UBA7: variants seen among roughly 807,000 people sequenced by gnomAD.
UBA7 encodes the protein ubiquitin like modifier activating enzyme 7.
Under a neutral mutation model 113.0 loss-of-function variants are expected in UBA7, and 88 were observed. That is an observed-to-expected ratio of 0.78 (90% CI 0.66 to 0.93). UBA7 has a LOEUF of 0.93. UBA7 is among the 40% of genes least tolerant of loss of function. The pLI is 0.00. For missense variants in UBA7, 1,092 were observed against 1,266.4 expected, an observed-to-expected ratio of 0.86 and a Z score of 2.09; for synonymous variants, 459 against 513.0, an observed-to-expected ratio of 0.89 and a Z score of 1.42.
rs1490254347 is a variant in UBA7 at position 49,812,195 on chromosome 3, G to A, written c.706C>T (p.Leu236=). The A allele has an allele frequency of 6.2e-7, 1 of 1,614,190 alleles. No individual in the cohort carries two copies. Among genetic ancestry groups the A allele is most frequent in the South Asian group, 1.1e-5 (1 of 91,088 alleles). Residue 236 remains leucine, a synonymous_variant, in exon 7 of 24, where the codon CTG becomes TTG. Transcript: ENST00000333486. ...RSIHVREDGS[L]EIGDTTTFSR... is the part of the protein sequence containing the mutation. ...AAAGTTGTTGTGTCTCCAATCTCCA[G>A]GGACCCATCCTCTGAGGGAGTTCCA...
chr3:49,806,187 G>A (rs2081447894), intron 21 of UBA7, 22 bp from the exon 22 acceptor site: 1 of 1,566,104 alleles, frequency 6.4e-7, no homozygotes, highest in South Asian at 1.2e-5. Context: ...TAGAGGAGGA[G>A]TCAGAGACTT....
At position 49,812,434 on chromosome 3, in the gene UBA7, C is replaced by G; in HGVS notation, c.668G>C (p.Cys223Ser). ...GIEGMVELND[C>S]DPRSIHVRED... ...CCGCACGTGGATAGACCGGGGATCA[C>G]AGTCGTTGAGCTCAACCATTCCCTC... is the stretch of plus-strand genomic sequence containing the variant. The change falls in exon 6 of 24, where the codon TGT (cysteine) becomes TCT (serine). Residue 223 changes from cysteine to serine, a missense_variant. Around this residue, in one of 3 missense-constraint regions of UBA7, gnomAD observed 584 missense variants for 714.5 expected, o/e 0.82. Coordinates refer to ENST00000333486, the MANE Select transcript of UBA7 (RefSeq NM_003335.3). 2 of 1,614,242 alleles carry G rather than the reference C, an allele frequency of 1.2e-6. No homozygotes were observed. The highest frequency in any genetic ancestry group is 1.7e-6 in the Non-Finnish European group (2 of 1,180,036).
At position 49,813,918 on chromosome 3, in the gene UBA7, G is replaced by C; in HGVS notation, c.-131C>G. On this transcript the variant is annotated 5_prime_UTR_variant, in exon 1 of 24. Coordinates refer to ENST00000333486, the MANE Select transcript of UBA7 (RefSeq NM_003335.3). The stretch of plus-strand genomic sequence containing the variant: ...AGGAACCAAGGCCAAGCGAATAAGG[G>C]ACGCTGCTGGTCACAGCTCTCTTCC... The C allele has an allele frequency of 1.0e-6, 1 of 991,454 alleles. No individual in the cohort carries two copies. Among genetic ancestry groups the C allele is most frequent in the Non-Finnish European group, 1.5e-6 (1 of 656,670 alleles). The allele number at this position is 991,454 out of a possible 1,614,324, so 61.4% of individuals were successfully genotyped here.
At chr3:49,806,349 C>T (rs1342624030) in intron 21 of UBA7, 184 bp from the exon 22 acceptor site, 4 of 615,814 alleles carry the variant, frequency 6.5e-6, no homozygotes, top group African/African-American at 5.6e-5. Flanking sequence ...AGGCCGGGGC[C>T]AGCACAGGAA....
At chr3:49,806,265 G>A (rs1242851365) in intron 21 of UBA7, 100 bp from the exon 22 acceptor site, 1 of 689,902 alleles carries the variant, frequency 1.4e-6, no homozygotes, top group Non-Finnish European at 2.4e-6. Context: ...GGACTAGCAG[G>A]AAACAGGAGC....
chr3:49,812,263 C>A (rs1443528196), intron 6 of UBA7, 57 bp from the exon 7 acceptor site: 3 of 1,611,322 alleles, frequency 1.9e-6, no homozygotes, highest in Non-Finnish European at 2.5e-6. Flanking sequence ...GTTCCCACAC[C>A]CCATCCTATC....
At position 49,810,101 on chromosome 3, in the gene UBA7, T is replaced by C. The variant is rs747692747; in HGVS notation, c.1716A>G (p.Thr572=). 9 of 1,612,940 alleles carry C rather than the reference T, an allele frequency of 5.6e-6. No homozygotes were observed. The South Asian group carries it at 9.9e-5, about 18-fold the overall frequency. ...CCTCAGTCACATGTGGCATGAATAC[T>C]GTAGCACTGCCCCAGGTGCCCGATG... ...AGTSGTWGSA[T]VFMPHVTEAY... is the part of the protein sequence containing the mutation. Residue 572 remains threonine (T), a synonymous_variant, in exon 14 of 24, where the codon ACA becomes ACG. Transcript: ENST00000333486. This position sits in a 1 kb window ranked among gnomAD's most constrained non-coding sequence, Gnocchi z 5.6.
intron 21 of UBA7, among the ~76,000 whole-genome samples, chr3:49,806,728 G>A (rs2081459045): frequency 1.3e-5 from 2 of 152,006 alleles, no homozygotes; most frequent in African/African-American, 4.8e-5. Context: ...AGGACAGAAG[G>A]ATGGCTGGCA....
Position 49,807,729 on chromosome 3 carries a change from G to A in UBA7, c.2715+7C>T. On this transcript the variant is annotated splice_region_variant and intron_variant, in intron 21 of 23. Transcript: ENST00000333486. The surrounding 1 kb of genome is among the most constrained non-coding windows in gnomAD (Gnocchi z 4.0). The stretch of plus-strand genomic sequence containing the variant: ...GTAGGGCTAAGGGTGGGGTATCATG[G>A]GCTCACCGTCTGGATGGCTGGGGCA... The A allele has an allele frequency of 6.2e-7, 1 of 1,600,074 alleles. No individual in the cohort carries two copies. The highest frequency in any genetic ancestry group is 8.5e-7 in the Non-Finnish European group (1 of 1,172,448).
rs1435846023 is a variant in UBA7 at position 49,805,312 on chromosome 3, A to G, written c.3035T>C (p.Leu1012Pro). The G allele has an allele frequency of 6.2e-7, 1 of 1,613,836 alleles. No homozygotes were observed. Among genetic ancestry groups the G allele is most frequent in the Non-Finnish European group, 8.5e-7 (1 of 1,179,896 alleles). The change falls in exon 24 of 24, where the codon CTG (leucine) becomes CCG (proline). Residue 1012 changes from leucine (L) to proline (P), a missense_variant. By Grantham distance (98) the Leu-to-Pro change is moderately conservative. This residue lies in a region of UBA7 where 500 missense variants were observed against 529.3 expected (regional missense o/e 0.94). Transcript: ENST00000333486. The part of the protein sequence containing the change: ...DTAFPPLHYE[L>P] ...GGTGACAGGGTGGCTGCCTTGTCAC[A>G]GCTCATAGTGCAGAGGTGGGAAGGC... is the stretch of plus-strand genomic sequence containing the variant.
rs768044589 is a variant in UBA7 at position 49,810,563 on chromosome 3, C to T, written c.1421G>A (p.Arg474His). Residue 474 changes from arginine to histidine, a missense_variant, in exon 12 of 24, where the codon CGC becomes CAC. By Grantham distance (29) the Arg-to-His change is conservative. This residue lies in a region of UBA7 where 584 missense variants were observed against 714.5 expected (regional missense o/e 0.82). Transcript: ENST00000333486. The surrounding 1 kb of genome is among the most constrained non-coding windows in gnomAD (Gnocchi z 5.6). ...LTVVDMDHIE[R>H]SNLSRQFLFR... ...GAGGAACTGACGGCTGAGATTGGAGCGCTCTATGTGGTCCATGTCAACAAC... is the reference window on the plus strand; with the variant it reads ...GAGGAACTGACGGCTGAGATTGGAGTGCTCTATGTGGTCCATGTCAACAAC... 15 of 1,613,982 alleles carry T rather than the reference C, an allele frequency of 9.3e-6. No homozygotes were observed. Among genetic ancestry groups the T allele is most frequent in the African/African-American group, 6.7e-5 (5 of 74,874 alleles).
At position 49,808,104 on chromosome 3, in the gene UBA7, G is replaced by C; in HGVS notation, c.2439C>G (p.Asp813Glu). The C allele has an allele frequency of 6.2e-7, 1 of 1,613,994 alleles. No homozygotes were observed. Among genetic ancestry groups the C allele is most frequent in the Non-Finnish European group, 8.5e-7 (1 of 1,179,948 alleles). Residue 813 changes from aspartate to glutamate, a missense_variant, in exon 20 of 24, where the codon GAC becomes GAG. By Grantham distance (45) the Asp-to-Glu change is conservative. Around this residue, in one of 3 missense-constraint regions of UBA7, gnomAD observed 500 missense variants for 529.3 expected, o/e 0.94. Transcript: ENST00000333486. ...CCACAAAGTCCACATGGAAGTTGCT[G>C]TCATCATCCTGTAAGGCCCAAGTCA... is the stretch of plus-strand genomic sequence containing the variant. ...LKPLMFEKDD[D>E]SNFHVDFVVA...
At position 49,812,399 on chromosome 3, in the gene UBA7, T is replaced by A. The variant is rs937588700; in HGVS notation, c.694+9A>T. The A allele has an allele frequency of 1.2e-6, 2 of 1,613,968 alleles. No homozygotes were observed. The highest frequency in any genetic ancestry group is 1.3e-5 in the African/African-American group (1 of 74,930). ...CCCTGCACCTGGAATTGGAATGGGA[T>A]TGGCTTACCCCGCACGTGGATAGAC... On this transcript the variant is annotated intron_variant, in intron 6 of 23. Coordinates refer to ENST00000333486, the MANE Select transcript of UBA7 (RefSeq NM_003335.3).
In UBA7 at chr3:49,812,509, G is replaced by T. The variant is rs370008771; in HGVS notation, c.593C>A (p.Ala198Asp). 4 of 1,614,194 alleles carry T rather than the reference G, an allele frequency of 2.5e-6. No homozygotes were observed. In the African/African-American group the frequency reaches 4.0e-5, roughly 16 times the overall value. Residue 198 changes from alanine (A) to aspartate (D), a missense_variant, in exon 6 of 24, where the codon GCC becomes GAC. By Grantham distance (126) the Ala-to-Asp change is moderately radical (BLOSUM62 -2). Coordinates refer to ENST00000333486, the MANE Select transcript of UBA7 (RefSeq NM_003335.3). Reference protein sequence around the residue: ...SPGILTLRKGANTHYFRDGDL... With the variant: ...SPGILTLRKGDNTHYFRDGDL... Reference sequence around the variant, plus strand: ...TCCATCACGGAAGTAGTGGGTATTGGCCCCTTTCCTCAGAGTGAGAATGCC... The same window carrying T: ...TCCATCACGGAAGTAGTGGGTATTGTCCCCTTTCCTCAGAGTGAGAATGCC...
chr3:49,806,185 G>A lies in UBA7; in HGVS notation c.2716-20C>T, dbSNP rs1244311571. 1 of 1,570,520 alleles carries A rather than the reference G, an allele frequency of 6.4e-7. No homozygotes were observed. Among genetic ancestry groups the A allele is most frequent in the African/African-American group, 1.3e-5 (1 of 74,136 alleles). ...ATGGAACTGGGATGAGGTAGAGGAG[G>A]AGTCAGAGACTTCTTACCTCCCCCC... On this transcript the variant is annotated intron_variant, in intron 21 of 23. Coordinates refer to ENST00000333486, the MANE Select transcript of UBA7 (RefSeq NM_003335.3).
chr3:49,805,809 TG>T, intron 23 of UBA7, 87 bp downstream of exon 23: 1 of 1,288,260 alleles, frequency 7.8e-7, no homozygotes, highest in Non-Finnish European at 1.1e-6. Context: ...GGGCCCAGAA[TG>T]GGGCTGGGAA....
intron 1 of UBA7, 28 bp downstream of exon 1, chr3:49,813,704 A>G (rs1032278678): frequency 3.1e-6 from 5 of 1,613,422 alleles, no homozygotes; most frequent in Non-Finnish European, 4.2e-6. Flanking sequence ...AGACCATCCC[A>G]CTCTCCACCC....
In UBA7 at chr3:49,808,061, T is replaced by G. The variant is rs2081484766; in HGVS notation, c.2482A>C (p.Arg828=). ...VDFVVAAASL[R]CQNYGIPPVN... ...GGTGGAATCCCGTAGTTCTGACATC[T>G]CAGGCTAGCTGCCGCTACCACAAAG... Residue 828 remains arginine, a synonymous_variant, in exon 20 of 24, where the codon AGA becomes CGA. Coordinates refer to ENST00000333486, the MANE Select transcript of UBA7 (RefSeq NM_003335.3). 6.2e-7 allele frequency: 1 copy of G among 1,613,992 alleles called. No individual in the cohort carries two copies. Among genetic ancestry groups the G allele is most frequent in the African/African-American group, 1.3e-5 (1 of 74,938 alleles).
intron 21 of UBA7, 149 bp from the exon 22 acceptor site, chr3:49,806,314 C>A: frequency 1.5e-6 from 1 of 680,492 alleles, no homozygotes. Context: ...GATCTGGGCC[C>A]AGAGTCTCAG....
Sources: allele counts gnomAD v4.1 joint callset (sites outside exome capture counted in the v4.1 genomes callset), GRCh38; gene constraint gnomAD v4.1.1; regional missense constraint gnomAD v4.1.1; non-coding constraint Gnocchi (gnomAD v3.1); transcripts MANE v1.5; gene names NCBI Gene and HGNC (gene_info 2026-07-23, HGNC 2026-07-21).